GOLGA1: variants seen among roughly 807,000 people sequenced by gnomAD.
GOLGA1 encodes golgin A1.
Under a neutral mutation model 119.7 loss-of-function variants are expected in GOLGA1, and 63 were observed. The ratio of observed to expected loss-of-function variants is 0.53; its 90% CI spans 0.43 to 0.65. The LOEUF (loss-of-function observed/expected upper bound fraction) is 0.65. Ranked by LOEUF, GOLGA1 falls within the 30% of genes least tolerant of loss-of-function variation. The pLI, the probability that GOLGA1 is intolerant of heterozygous loss-of-function variation, is 0.00. For synonymous variants in GOLGA1, 318 were observed against 333.4 expected (o/e 0.95, Z 0.50); for missense variants, 798 against 912.8 (o/e 0.87, Z 1.62).
At chr9:124,890,021 G>A (rs1588059670) in intron 16 of GOLGA1, among the ~76,000 whole-genome samples, 2 of 152,220 alleles carry the variant, frequency 1.3e-5, no homozygotes, top group East Asian at 3.9e-4. Context: ...TACCTTCAAG[G>A]GAGGCTTTCC....
chr9:124,881,324 C>A lies in GOLGA1; in HGVS notation c.2137-67G>T. 1 of 878,572 alleles carries A rather than the reference C, an allele frequency of 1.1e-6. No individual in the cohort carries two copies. Among genetic ancestry groups the A allele is most frequent in the Non-Finnish European group, 2.0e-6 (1 of 509,304 alleles). The allele number at this position is 878,572 out of a possible 1,614,324, so 54.4% of individuals were successfully genotyped here. On this transcript the variant is annotated intron_variant, in intron 21 of 22. Transcript: ENST00000373555. The surrounding 1 kb of genome is among the most constrained non-coding windows in gnomAD (Gnocchi z 4.9). ...GTGAGGCGGGGTGGGGTCGGGGGAG[C>A]TACGTGGCATTTCCTGCTTGCTTTG...
intron 3 of GOLGA1, among the ~76,000 whole-genome samples, chr9:124,933,889 A>G (rs1793405453): frequency 1.3e-5 from 2 of 152,196 alleles, no homozygotes; most frequent in Admixed American, 1.3e-4. Context: ...CTGGGAGAAG[A>G]ATCTTGGAAG....
intron 11 of GOLGA1, among the ~76,000 whole-genome samples, chr9:124,909,565 C>T (rs557631518): frequency 9.5e-5 from 14 of 146,648 alleles, no homozygotes; most frequent in South Asian, 8.7e-4. Context: ...GCCGAGATCA[C>T]GCCACTGCAC....
intron 10 of GOLGA1, 143 bp from the exon 11 acceptor site, chr9:124,912,169 A>G (rs1203479518): frequency 1.4e-6 from 1 of 724,654 alleles, no homozygotes; most frequent in African/African-American, 1.8e-5. Flanking sequence ...CTTCCTGAAA[A>G]TGGGATACAG....
Position 124,880,309 on chromosome 9 carries a change from C to T in GOLGA1, c.*221G>A. On this transcript the variant is annotated 3_prime_UTR_variant, in exon 23 of 23. Coordinates refer to ENST00000373555, the MANE Select transcript of GOLGA1 (RefSeq NM_002077.4). ...CAGCACTGTGGAAATCTGGGTAGTG[C>T]CAGGACCCTCCTGTTTGGTGACCAG... 1 of 428,086 alleles carries T rather than the reference C, an allele frequency of 2.3e-6. No homozygotes were observed. The highest frequency in any genetic ancestry group is 2.2e-5 in the South Asian group (1 of 44,692). The allele number at this position is 428,086 out of a possible 1,614,324, so 26.5% of individuals were successfully genotyped here. A position where few individuals can be genotyped will look rare whatever the true frequency, so the allele number is the denominator to read the frequency against.
rs1473617121 is a variant in GOLGA1 at position 124,946,322 on chromosome 9, G to GA, written c.-156+1595dup. 6.6e-6 allele frequency: 1 copy of GA among 152,068 alleles called. No individual in the cohort carries two copies. The highest frequency in any genetic ancestry group is 2.4e-5 in the African/African-American group (1 of 41,386). The allele number at this position is 152,068 out of a possible 1,614,324, so 9.4% of individuals were successfully genotyped here. A position where few individuals can be genotyped will look rare whatever the true frequency, so the allele number is the denominator to read the frequency against. On this transcript the variant is annotated intron_variant, in intron 1 of 4. Transcript: ENST00000421514. The surrounding 1 kb of genome is among the most constrained non-coding windows in gnomAD (Gnocchi z 4.0). ...TATTTCTGAATTTAATACTATAATT[G>GA]AAAAGTCTTATGAATAGTTGGCTGT...
intron 12 of GOLGA1, among the ~76,000 whole-genome samples, chr9:124,906,475 C>G (rs193046903): frequency 6.6e-6 from 1 of 151,024 alleles, no homozygotes; most frequent in African/African-American, 2.4e-5. Flanking sequence ...ACAGGCCGGG[C>G]GCGGTGGCTC....
chr9:124,893,997 G>A lies in GOLGA1; in HGVS notation c.1408-3519C>T, dbSNP rs999945876. Among the ~76,000 whole-genome samples the A allele has an allele frequency of 7.2e-5, 11 of 152,248 alleles. No individual in the cohort carries two copies. In the South Asian group the frequency reaches 1.7e-3, roughly 23 times the overall value. ...TCTAGTCTCATTTTAACCTGCTCTCGTCAACCATATTCCCTACGACTCTAC... is the reference window on the plus strand; with the variant it reads ...TCTAGTCTCATTTTAACCTGCTCTCATCAACCATATTCCCTACGACTCTAC... On this transcript the variant is annotated intron_variant, in intron 15 of 22. Transcript: ENST00000373555.
chr9:124,898,837 GTTTTGTTTTATAAAAAGCAGCCTTTA>G (rs1465203673), intron 14 of GOLGA1, among the ~76,000 whole-genome samples, 193 bp from the exon 15 acceptor site: 1 of 152,156 alleles, frequency 6.6e-6, no homozygotes, highest in Non-Finnish European at 1.5e-5. Context: ...AAACCCATCT[GTTTTGTTTTATAAAAAGCAGCCTTTA>G]TACATCCAGT....
chr9:124,913,220 C>A (rs574037416), intron 10 of GOLGA1, among the ~76,000 whole-genome samples: 1 of 152,276 alleles, frequency 6.6e-6, no homozygotes, highest in East Asian at 1.9e-4. Flanking sequence ...CCGATCACCT[C>A]CCACCAGGTC....
chr9:124,918,805 C>T (rs149611708), intron 10 of GOLGA1, among the ~76,000 whole-genome samples: 1 of 152,184 alleles, frequency 6.6e-6, no homozygotes, highest in Admixed American at 6.6e-5. Context: ...CTATTTTCCC[C>T]CTTCTTCCAT....
At chr9:124,892,421 T>C (rs1178411362) in intron 15 of GOLGA1, among the ~76,000 whole-genome samples, 2 of 152,224 alleles carry the variant, frequency 1.3e-5, no homozygotes, top group East Asian at 3.8e-4. Flanking sequence ...TGCACTGCTT[T>C]AGTTATACTT....
Position 124,899,498 on chromosome 9 carries a change from C to T in GOLGA1, c.1162-20G>A, listed in dbSNP as rs376286097. ...GGCAGCCTGCGGGGAGACCAAAGGA[C>T]GGTCAGTCAGGGTGACAATGGTTTC... On this transcript the variant is annotated intron_variant, in intron 13 of 22. Coordinates refer to ENST00000373555, the MANE Select transcript of GOLGA1 (RefSeq NM_002077.4). 195 of 1,540,648 alleles carry T rather than the reference C, an allele frequency of 1.3e-4. 1 individual carries two copies. The African/African-American group carries it at 1.5e-3, about 12-fold the overall frequency.
chr9:124,895,300 C>A (rs1829946303), intron 15 of GOLGA1, among the ~76,000 whole-genome samples: 1 of 149,496 alleles, frequency 6.7e-6, no homozygotes, highest in Non-Finnish European at 1.5e-5. Flanking sequence ...CAACAGAGAA[C>A]CCTCCACAAC....
chr9:124,935,763 CAAAA>C (rs33934422), intron 3 of GOLGA1, among the ~76,000 whole-genome samples: 6 of 103,560 alleles, frequency 5.8e-5, no homozygotes, highest in Admixed American at 9.3e-5. Context: ...ACTCTGTCTC[CAAAA>C]AAAAAAAAAA....
intron 3 of GOLGA1, among the ~76,000 whole-genome samples, chr9:124,937,902 G>A (rs1159337398): frequency 1.3e-5 from 2 of 151,690 alleles, no homozygotes; most frequent in African/African-American, 4.8e-5. Context: ...GGGCAACATG[G>A]TAAAAACCTG....
At chr9:124,923,670 G>A (rs1279806480) in intron 7 of GOLGA1, among the ~76,000 whole-genome samples, 1 of 148,280 alleles carries the variant, frequency 6.7e-6, no homozygotes, top group Admixed American at 6.7e-5. Context: ...TTTTTTTTTG[G>A]TAGAGACAGG....
chr9:124,923,311 T>C (rs1830607893), intron 7 of GOLGA1, 88 bp from the exon 8 acceptor site: 1 of 1,202,334 alleles, frequency 8.3e-7, no homozygotes, highest in South Asian at 1.5e-5. Context: ...TTTTTAAAAT[T>C]TTTGTCTTTA....
upstream of GOLGA1, chr9:124,942,514 A>C (rs527749872): frequency 6.6e-6 from 1 of 152,406 alleles, no homozygotes; most frequent in East Asian, 1.9e-4. Flanking sequence ...ACTAACAAGA[A>C]GCATCAACCC....
Sources: gnomAD v4.1 joint callset for allele counts (sites outside exome capture counted in the v4.1 genomes callset) on GRCh38, gnomAD v4.1.1 for gene constraint, Gnocchi (gnomAD v3.1) non-coding constraint, MANE v1.5 for transcripts, NCBI Gene and HGNC (gene_info 2026-07-23, HGNC 2026-07-21) for gene names.